PRKG2: variants seen among roughly 807,000 people sequenced by gnomAD.
PRKG2 encodes cGMP-dependent protein kinase 2.
PRKG2 carries 33 observed loss-of-function variants against 97.2 expected under a neutral mutation model. That is an observed-to-expected ratio of 0.34 (90% CI 0.26 to 0.45). The LOEUF is 0.45. Ranked by LOEUF, PRKG2 falls within the 20% of genes least tolerant of loss-of-function variation. The probability of loss-of-function intolerance (pLI) is 1.00; values close to 1 mark genes in which losing one functional copy is unlikely to be tolerated. For synonymous variants in PRKG2, 330 were observed against 321.8 expected (o/e 1.03, Z -0.27); for missense variants, 638 against 900.0 (o/e 0.71, Z 3.73).
chr4:81,126,014 C>T (rs1485039571), intron 14 of PRKG2, among the ~76,000 whole-genome samples: 1 of 152,116 alleles, frequency 6.6e-6, no homozygotes, highest in Non-Finnish European at 1.5e-5. Context: ...TCTCCTAATG[C>T]TATCCCTCTC....
rs955207577 is a variant in PRKG2 at position 81,135,061 on chromosome 4, T to C, written c.1776+94A>G. The stretch of plus-strand genomic sequence containing the variant: ...ATACTGCCAAAGAGAGAATAACAGC[T>C]GCACTAAAATTAAAAAGAAAATTGC... On this transcript the variant is annotated intron_variant, in intron 14 of 18. Coordinates refer to ENST00000264399, the MANE Select transcript of PRKG2 (RefSeq NM_006259.3). 13 of 1,223,140 alleles carry C rather than the reference T, an allele frequency of 1.1e-5. 1 individual carries two copies. The South Asian group carries it at 2.1e-4, about 19-fold the overall frequency. The allele number at this position is 1,223,140 out of a possible 1,614,324, so 75.8% of individuals were successfully genotyped here.
intron 6 of PRKG2, among the ~76,000 whole-genome samples, chr4:81,159,170 G>A (rs891725039): frequency 6.6e-6 from 1 of 152,072 alleles, no homozygotes; most frequent in African/African-American, 2.4e-5. Flanking sequence ...AGGGTGAACA[G>A]GCAACCTACA....
At chr4:81,126,522 A>G (rs80068733) in intron 14 of PRKG2, among the ~76,000 whole-genome samples, 1 of 152,132 alleles carries the variant, frequency 6.6e-6, no homozygotes, top group African/African-American at 2.4e-5. Flanking sequence ...ATTTCTCCAT[A>G]TTCTCTCCAT....
chr4:81,151,094 T>C (rs552306287), intron 8 of PRKG2, among the ~76,000 whole-genome samples: 61 of 152,216 alleles, frequency 4.0e-4, no homozygotes, highest in Non-Finnish European at 7.2e-4. Context: ...AAACCTGATC[T>C]ACAAATCAGC....
intron 14 of PRKG2, among the ~76,000 whole-genome samples, chr4:81,119,757 C>T (rs1170760245): frequency 6.6e-6 from 1 of 150,550 alleles, no homozygotes; most frequent in Non-Finnish European, 1.5e-5. Flanking sequence ...TCACTGCAAG[C>T]TCCACCTCCC....
At chr4:81,148,362 G>A (rs1748061135) in intron 9 of PRKG2, among the ~76,000 whole-genome samples, 1 of 152,128 alleles carries the variant, frequency 6.6e-6, no homozygotes, top group African/African-American at 2.4e-5. Flanking sequence ...CATATAAAAT[G>A]AGACTTATTT....
intron 2 of PRKG2, among the ~76,000 whole-genome samples, chr4:81,197,666 G>C (rs1296960551): frequency 2.0e-5 from 3 of 152,034 alleles, no homozygotes; most frequent in Non-Finnish European, 4.4e-5. Context: ...CTATAGATAG[G>C]TCATAGCAGA....
rs185196713 is a variant in PRKG2, at chr4:81,179,086, C to G, written c.462-4127G>C. On this transcript the variant is annotated intron_variant, in intron 2 of 18. Transcript: ENST00000264399. ...GTTGCAGTGAGCCGAGATTGTGCCA[C>G]TTGCACTCCAGCCTGGCAGCAGAGT... Among the ~76,000 whole-genome samples the G allele has an allele frequency of 1.4e-3, 210 of 151,516 alleles. 1 individual carries two copies. The highest frequency in any genetic ancestry group is 2.7e-3 in the South Asian group (13 of 4,794).
chr4:81,197,834 G>C (rs1753056145), intron 2 of PRKG2, among the ~76,000 whole-genome samples: 1 of 152,050 alleles, frequency 6.6e-6, no homozygotes, highest in Non-Finnish European at 1.5e-5. Context: ...AAGCAAACGT[G>C]GAAGAAAATA....
intron 1 of PRKG2, among the ~76,000 whole-genome samples, chr4:81,209,580 G>A (rs962091312): frequency 6.6e-6 from 1 of 152,048 alleles, no homozygotes; most frequent in Non-Finnish European, 1.5e-5. Context: ...ACAAAACAAT[G>A]CTGCCTGTCA....
chr4:81,098,087 A>AC (rs756718011), intron 17 of PRKG2, among the ~76,000 whole-genome samples: 2 of 152,046 alleles, frequency 1.3e-5, no homozygotes, highest in South Asian at 2.1e-4. Flanking sequence ...GGAAAGGCAG[A>AC]CCCACCCGTA....
At chr4:81,135,498 C>G (rs541678380) in intron 13 of PRKG2, among the ~76,000 whole-genome samples, 7 of 152,166 alleles carry the variant, frequency 4.6e-5, no homozygotes, top group African/African-American at 1.7e-4. Context: ...GTGATACAAA[C>G]AAGAACTACT....
intron 9 of PRKG2, among the ~76,000 whole-genome samples, chr4:81,146,930 T>C (rs934573315): frequency 6.6e-6 from 1 of 151,350 alleles, no homozygotes; most frequent in Non-Finnish European, 1.5e-5. Flanking sequence ...TGTGTCAATA[T>C]TAAATATGCT....
chr4:81,122,290 C>A (rs1456660077), intron 14 of PRKG2, among the ~76,000 whole-genome samples: 1 of 152,158 alleles, frequency 6.6e-6, no homozygotes, highest in Non-Finnish European at 1.5e-5. Flanking sequence ...TTCATCAGCT[C>A]TTCTTGGCCT....
At chr4:81,146,163 TCAC>T (rs1387672388) in intron 9 of PRKG2, among the ~76,000 whole-genome samples, 1 of 152,182 alleles carries the variant, frequency 6.6e-6, no homozygotes, top group Non-Finnish European at 1.5e-5. Context: ...ATTCTATACT[TCAC>T]CATTATTTTG....
chr4:81,137,268 T>C (rs1291510836), intron 13 of PRKG2, 125 bp downstream of exon 13: 4 of 731,952 alleles, frequency 5.5e-6, no homozygotes, highest in Non-Finnish European at 9.4e-6. Context: ...ATATCACTAT[T>C]ACTACTTTAT....
Position 81,204,907 on chromosome 4 carries a change from C to T in PRKG2, c.141G>A (p.Arg47=), listed in dbSNP as rs757292275. 2.5e-6 allele frequency: 4 copies of T among 1,614,168 alleles called. No individual in the cohort carries two copies. Residue 47 remains arginine (R), a synonymous_variant, in exon 2 of 19, where the codon CGG becomes CGA. Coordinates refer to ENST00000264399, the MANE Select transcript of PRKG2 (RefSeq NM_006259.3). The stretch of plus-strand genomic sequence containing the variant: ...CCCGCAGCTCCTTCAAATGGTACTC[C>T]CGCTCCTGGATCTCAGCATCCTTCC... ...LRRKDAEIQE[R]EYHLKELREQ...
rs1741313971 is a variant in PRKG2, at chr4:81,089,169, T to C, written c.*539A>G. 6.6e-6 allele frequency: 1 copy of C among 152,248 alleles called. No individual in the cohort carries two copies. The highest frequency in any genetic ancestry group is 6.6e-5 in the Admixed American group (1 of 15,266). The allele number at this position is 152,248 out of a possible 1,614,324, so 9.4% of individuals were successfully genotyped here. A position where few individuals can be genotyped will look rare whatever the true frequency, so the allele number is the denominator to read the frequency against. Reference sequence around the variant, plus strand: ...GACTCATGTCAGAGGCGTATTAATATATTTTCAGGTTAAAAGCAGGTGAAA... The same window carrying C: ...GACTCATGTCAGAGGCGTATTAATACATTTTCAGGTTAAAAGCAGGTGAAA... On this transcript the variant is annotated 3_prime_UTR_variant, in exon 19 of 19. Coordinates refer to ENST00000264399, the MANE Select transcript of PRKG2 (RefSeq NM_006259.3).
At chr4:81,216,488 C>T (rs892323036), upstream of PRKG2, among the ~76,000 whole-genome samples, 1 of 151,770 alleles carries the variant, frequency 6.6e-6, no homozygotes, top group African/African-American at 2.4e-5. Flanking sequence ...TTTTTATTAG[C>T]GATTTAATGA....
Sources: gnomAD v4.1 joint callset for allele counts (sites outside exome capture counted in the v4.1 genomes callset) on GRCh38, gnomAD v4.1.1 for gene constraint, MANE v1.5 for transcripts, NCBI Gene and HGNC (gene_info 2026-07-23, HGNC 2026-07-21) for gene names.